The following ZNF385D variants were observed in gnomAD, a reference collection of about 807,000 sequenced individuals.
The protein encoded by ZNF385D is zinc finger protein 385D.
ZNF385D carries 15 observed loss-of-function variants against 35.8 expected under a neutral mutation model. That is an observed-to-expected ratio of 0.42 (90% CI 0.28 to 0.64). The LOEUF is 0.64. Ranked by LOEUF, ZNF385D falls within the 30% of genes least tolerant of loss-of-function variation. The probability of loss-of-function intolerance (pLI) is 0.23; values close to 1 mark genes in which losing one functional copy is unlikely to be tolerated. For synonymous variants in ZNF385D, 212 were observed against 186.8 expected (o/e 1.13, Z -1.10); for missense variants, 474 against 494.6 (o/e 0.96, Z 0.39).
chr3:22,008,024 G>C (rs188050114), intron 3 of ZNF385D, among the ~76,000 whole-genome samples: 1 of 151,880 alleles, frequency 6.6e-6, no homozygotes, highest in East Asian at 1.9e-4. Flanking sequence ...TTTATATTTG[G>C]ATCTCTGATG....
At chr3:21,711,497 G>A (rs531367570) in intron 1 of ZNF385D, among the ~76,000 whole-genome samples, 1 of 152,004 alleles carries the variant, frequency 6.6e-6, no homozygotes, top group African/African-American at 2.4e-5. Flanking sequence ...TTTTAAAAAC[G>A]ACAGTAATTA....
intron 4 of ZNF385D, among the ~76,000 whole-genome samples, chr3:21,490,101 G>A (rs939465414): frequency 1.3e-5 from 2 of 152,062 alleles, no homozygotes; most frequent in African/African-American, 4.8e-5. Context: ...TATTGTCCCA[G>A]TTTTTCCTTT....
In ZNF385D at chr3:22,094,385, G is replaced by GAGATATATATATATATATATAT. The variant is rs1491256865; in HGVS notation, c.325+74431_325+74432insATATATATATATATATATATCT. Among the ~76,000 whole-genome samples, 359 of 70,620 alleles carry GAGATATATATATATATATATAT rather than the reference G, an allele frequency of 5.1e-3. 3 individuals are homozygous for GAGATATATATATATATATATAT. The highest frequency in any genetic ancestry group is 9.1e-3 in the Non-Finnish European group (276 of 30,176). 46.3% of individuals were successfully genotyped at this position (70,620 alleles called of 152,430 possible). A position where few individuals can be genotyped will look rare whatever the true frequency, so the allele number is the denominator to read the frequency against. ...CCATTGTCTTCTGTCATTTATTGTT[G>GAGATATATATATATATATATAT]ATATATATATATATATATATATATA... On this transcript the variant is annotated intron_variant, in intron 3 of 5. Coordinates refer to the ZNF385D transcript ENST00000494108.
chr3:22,232,692 T>C (rs1046106150), intron 2 of ZNF385D, among the ~76,000 whole-genome samples: 3 of 152,196 alleles, frequency 2.0e-5, no homozygotes, highest in Non-Finnish European at 4.4e-5. Flanking sequence ...TCCAGCTTCA[T>C]CCATGTCCCT....
chr3:22,117,977 A>C (rs1006273759), intron 3 of ZNF385D, among the ~76,000 whole-genome samples: 2 of 152,084 alleles, frequency 1.3e-5, no homozygotes, highest in Non-Finnish European at 2.9e-5. Flanking sequence ...CAAGAAGAAT[A>C]AAGTCAACTT....
intron 1 of ZNF385D, among the ~76,000 whole-genome samples, chr3:21,665,937 C>T (rs1171094080): frequency 6.6e-6 from 1 of 152,172 alleles, no homozygotes; most frequent in Non-Finnish European, 1.5e-5. Context: ...TGCCAGCATT[C>T]TTCTAATCTG....
intron 2 of ZNF385D, among the ~76,000 whole-genome samples, chr3:22,307,598 A>T (rs1703300509): frequency 6.6e-6 from 1 of 152,110 alleles, no homozygotes; most frequent in Non-Finnish European, 1.5e-5. Flanking sequence ...CATAACACAA[A>T]TGGACTATGG....
chr3:22,136,359 G>A (rs923085179), intron 3 of ZNF385D, among the ~76,000 whole-genome samples: 26 of 150,794 alleles, frequency 1.7e-4, no homozygotes, highest in South Asian at 2.1e-4. Flanking sequence ...CTTTATTTCC[G>A]CCTGGGCGAC....
At chr3:22,056,467 C>A (rs929139227) in intron 3 of ZNF385D, among the ~76,000 whole-genome samples, 1 of 151,926 alleles carries the variant, frequency 6.6e-6, no homozygotes, top group South Asian at 2.1e-4. Flanking sequence ...GTGAAAGATA[C>A]CCAAGATAAA....
intron 2 of ZNF385D, among the ~76,000 whole-genome samples, chr3:22,321,019 G>A (rs994052206): frequency 3.3e-5 from 5 of 151,826 alleles, no homozygotes; most frequent in Non-Finnish European, 7.4e-5. Context: ...AATAAATCCT[G>A]TTATATGATT....
rs113784761 is a variant in ZNF385D at position 21,663,118 on chromosome 3, C to A, written c.165+1768G>T. Among the ~76,000 whole-genome samples the A allele has an allele frequency of 1.0e-2, 1,514 of 152,028 alleles. 33 individuals carry two copies. Among genetic ancestry groups the A allele is most frequent in the African/African-American group, 0.033 (1,363 of 41,456 alleles). On this transcript the variant is annotated intron_variant, in intron 2 of 7. Transcript: ENST00000281523. Reference sequence around the variant, plus strand: ...GACCAACACACAACGCTGCCTTTGCCCATGAAAAAAACCCACAAATCTCTG... The same window carrying A: ...GACCAACACACAACGCTGCCTTTGCACATGAAAAAAACCCACAAATCTCTG...
At chr3:21,745,065 G>A (rs1240661085) in intron 1 of ZNF385D, among the ~76,000 whole-genome samples, 1 of 152,042 alleles carries the variant, frequency 6.6e-6, no homozygotes, top group Non-Finnish European at 1.5e-5. Context: ...CAAGAGTGCT[G>A]AGGACATAGA....
At chr3:21,962,636 G>A (rs1279909740) in intron 3 of ZNF385D, among the ~76,000 whole-genome samples, 4 of 152,214 alleles carry the variant, frequency 2.6e-5, no homozygotes, top group Admixed American at 2.6e-4. Context: ...GAAGGGAAAT[G>A]TGGTCAATAT....
Position 21,537,931 on chromosome 3 carries a change from A to T in ZNF385D, c.276+26643T>A, listed in dbSNP as rs1351078. On this transcript the variant is annotated intron_variant, in intron 3 of 7. Transcript: ENST00000281523. ...AGGGAGAATGATTAAGAATTTTACA[A>T]TAATACAGATGAGAGACAATGGTGG... 8.0e-4 allele frequency among the ~76,000 whole-genome samples: 122 copies of T among 152,230 alleles called. 3 individuals are homozygous for T. The East Asian group carries it at 0.019, about 24-fold the overall frequency.
At chr3:22,050,281 G>C (rs1001491024) in intron 3 of ZNF385D, among the ~76,000 whole-genome samples, 14 of 151,902 alleles carry the variant, frequency 9.2e-5, no homozygotes, top group African/African-American at 2.7e-4. Flanking sequence ...AAGACTGCTT[G>C]AGCCCCAGAG....
At chr3:22,072,662 GAATGGAGA>G (rs936285099) in intron 3 of ZNF385D, among the ~76,000 whole-genome samples, 1 of 151,864 alleles carries the variant, frequency 6.6e-6, no homozygotes, top group Admixed American at 6.6e-5. Flanking sequence ...AGGCAAGAAG[GAATGGAGA>G]AATGGAGAAA....
rs1026573193 is a variant in ZNF385D, at chr3:21,417,375, G to T, written c.*3839C>A. On this transcript the variant is annotated 3_prime_UTR_variant, in exon 8 of 8. Coordinates refer to ENST00000281523, the MANE Select transcript of ZNF385D (RefSeq NM_024697.3). ...TACAATAGACTCTGGCTACTCTAAGGCTCCTCATTGCTTTTCCCACCACTT... is the reference window on the plus strand; with the variant it reads ...TACAATAGACTCTGGCTACTCTAAGTCTCCTCATTGCTTTTCCCACCACTT... 6 of 151,996 alleles carry T rather than the reference G, an allele frequency of 3.9e-5. No individual in the cohort carries two copies. The highest frequency in any genetic ancestry group is 1.9e-4 in the East Asian group (1 of 5,180). 9.4% of individuals were successfully genotyped at this position (151,996 alleles called of 1,614,324 possible).
rs187853719 is a variant in ZNF385D at position 21,598,539 on chromosome 3, C to G, written c.166-33855G>C. Among the ~76,000 whole-genome samples, 83 of 152,228 alleles carry G rather than the reference C, an allele frequency of 5.5e-4. 2 individuals are homozygous for G. The East Asian group carries it at 0.016, about 29-fold the overall frequency. On this transcript the variant is annotated intron_variant, in intron 2 of 7. Coordinates refer to ENST00000281523, the MANE Select transcript of ZNF385D (RefSeq NM_024697.3). Reference sequence around the variant, plus strand: ...TTAATGACTGACAGTGAAGCAATATCTTTGTTCAAAACTGAAGAAAGTGAG... The same window carrying G: ...TTAATGACTGACAGTGAAGCAATATGTTTGTTCAAAACTGAAGAAAGTGAG...
chr3:22,265,454 C>T (rs978474097), intron 2 of ZNF385D, among the ~76,000 whole-genome samples: 1 of 151,936 alleles, frequency 6.6e-6, no homozygotes, highest in Admixed American at 6.6e-5. Context: ...ATTTACAGAG[C>T]AGAAACATTT....
Sources: allele counts gnomAD v4.1 joint callset (sites outside exome capture counted in the v4.1 genomes callset), GRCh38; gene constraint gnomAD v4.1.1; transcripts MANE v1.5; gene names NCBI Gene and HGNC (gene_info 2026-07-23, HGNC 2026-07-21).